Variants in ANKS4B observed in about 807,000 individuals in gnomAD.
ANKS4B encodes the protein ankyrin repeat and sterile alpha motif domain containing 4B.
Under a neutral mutation model 20.2 loss-of-function variants are expected in ANKS4B, and 21 were observed. That is an observed-to-expected ratio of 1.04 (90% confidence interval 0.74 to 1.50). ANKS4B has a LOEUF of 1.50. ANKS4B is among the 40% of genes most tolerant of loss of function. The pLI, the probability that ANKS4B is intolerant of heterozygous loss-of-function variation, is 0.00. For missense variants in ANKS4B, 473 were observed against 494.6 expected (o/e 0.96, Z 0.41); for synonymous variants, 179 against 194.5 (o/e 0.92, Z 0.66).
intron 1 of ANKS4B, among the ~76,000 whole-genome samples, chr16:21,246,693 T>A (rs1293335098): frequency 6.6e-6 from 1 of 152,212 alleles, no homozygotes; most frequent in Non-Finnish European, 1.5e-5. Flanking sequence ...GTATTGGAGA[T>A]GATTTGACTG....
At position 21,252,682 on chromosome 16, in the gene ANKS4B, AT is replaced by A. The variant is rs1191233736; in HGVS notation, c.*1865del. On this transcript the variant is annotated 3_prime_UTR_variant, in exon 2 of 2. Coordinates refer to ENST00000311620, the MANE Select transcript of ANKS4B (RefSeq NM_145865.3). ...CATGCTTATTATGTACACATGGTTT[AT>A]TTACTGTTGTCTGTCACCATTGCCG... The A allele has an allele frequency of 1.3e-5, 2 of 152,194 alleles. No homozygotes were observed. The highest frequency in any genetic ancestry group is 4.8e-5 in the African/African-American group (2 of 41,436). The allele number at this position is 152,194 out of a possible 1,614,324, so 9.4% of individuals were successfully genotyped here.
intron 1 of ANKS4B, among the ~76,000 whole-genome samples, chr16:21,245,293 A>G (rs2093330997): frequency 6.6e-6 from 1 of 152,180 alleles, no homozygotes; most frequent in African/African-American, 2.4e-5. Context: ...ACTTGGCCCC[A>G]TTCAGTCACT....
At chr16:21,249,284 G>C (rs866922651) in intron 1 of ANKS4B, among the ~76,000 whole-genome samples, 3 of 152,148 alleles carry the variant, frequency 2.0e-5, no homozygotes, top group Non-Finnish European at 4.4e-5. Flanking sequence ...AGGAGTTTGC[G>C]ACCAGCCTGG....
intron 1 of ANKS4B, among the ~76,000 whole-genome samples, chr16:21,239,504 C>A (rs1319697429): frequency 6.6e-6 from 1 of 152,126 alleles, no homozygotes; most frequent in African/African-American, 2.4e-5. Context: ...TTGCTTGAAC[C>A]CGCAAGGAGA....
At chr16:21,237,926 C>A (rs368527906) in intron 1 of ANKS4B, among the ~76,000 whole-genome samples, 1 of 152,162 alleles carries the variant, frequency 6.6e-6, no homozygotes, top group East Asian at 1.9e-4. Flanking sequence ...CTTTGGGAAG[C>A]CAAGGCGGGC....
At position 21,253,436 on chromosome 16, in the gene ANKS4B, C is replaced by T. The variant is rs1201066592; in HGVS notation, c.*2616C>T. 6.6e-6 allele frequency: 1 copy of T among 152,148 alleles called. No individual in the cohort carries two copies. The highest frequency in any genetic ancestry group is 1.5e-5 in the Non-Finnish European group (1 of 68,032). 9.4% of individuals were successfully genotyped at this position (152,148 alleles called of 1,614,324 possible). On this transcript the variant is annotated 3_prime_UTR_variant, in exon 2 of 2. Coordinates refer to ENST00000311620, the MANE Select transcript of ANKS4B (RefSeq NM_145865.3). Reference sequence around the variant, plus strand: ...TGGAATAAACTGAAGTTGTGCTTTCCTTCATTAACGTGCACAGAAGCAGTT... The same window carrying T: ...TGGAATAAACTGAAGTTGTGCTTTCTTTCATTAACGTGCACAGAAGCAGTT...
At chr16:21,242,355 T>C (rs1000928439) in intron 1 of ANKS4B, among the ~76,000 whole-genome samples, 9 of 152,290 alleles carry the variant, frequency 5.9e-5, no homozygotes, top group Admixed American at 5.9e-4. Context: ...ACCCAGCTAA[T>C]TTTTGTATTT....
At position 21,250,326 on chromosome 16, in the gene ANKS4B, G is replaced by T. The variant is rs1208689326; in HGVS notation, c.760G>T (p.Ala254Ser). ...GDFKEKLQLS[A>S]EEDGSVHHES... ...CTTCAAAGAGAAGCTCCAGTTGTCAGCAGAGGAGGACGGCAGTGTGCACCA... is the reference window on the plus strand; with the variant it reads ...CTTCAAAGAGAAGCTCCAGTTGTCATCAGAGGAGGACGGCAGTGTGCACCA... Residue 254 changes from alanine (A) to serine (S), a missense_variant, in exon 2 of 2, where the codon GCA (alanine) becomes TCA (serine). Transcript: ENST00000311620. The T allele has an allele frequency of 6.2e-7, 1 of 1,614,212 alleles. No individual in the cohort carries two copies. The highest frequency in any genetic ancestry group is 1.3e-5 in the African/African-American group (1 of 75,056).
intron 1 of ANKS4B, among the ~76,000 whole-genome samples, chr16:21,243,112 C>G (rs932973911): frequency 2.0e-5 from 3 of 152,108 alleles, no homozygotes; most frequent in African/African-American, 7.2e-5. Context: ...TAGTTGAGAA[C>G]TTCACAAAAA....
At chr16:21,248,322 C>CTT (rs59170909) in intron 1 of ANKS4B, among the ~76,000 whole-genome samples, 5 of 131,652 alleles carry the variant, frequency 3.8e-5, no homozygotes, top group Admixed American at 7.7e-5. Flanking sequence ...TGAGCCTAGC[C>CTT]TTTTTTTTTT....
At chr16:21,238,457 T>G (rs908339832) in intron 1 of ANKS4B, among the ~76,000 whole-genome samples, 1 of 136,668 alleles carries the variant, frequency 7.3e-6, no homozygotes, top group African/African-American at 2.8e-5. Flanking sequence ...GACAACAGAT[T>G]TTTAAATATA....
chr16:21,234,533 G>A (rs2093317943), intron 1 of ANKS4B, among the ~76,000 whole-genome samples: 1 of 139,032 alleles, frequency 7.2e-6, no homozygotes, highest in Non-Finnish European at 1.6e-5. Context: ...CCATCTCTTT[G>A]CCCAGATTTT....
At chr16:21,239,729 C>T (rs1250310433) in intron 1 of ANKS4B, among the ~76,000 whole-genome samples, 10 of 152,130 alleles carry the variant, frequency 6.6e-5, no homozygotes, top group African/African-American at 2.4e-4. Context: ...AGTATGCAGT[C>T]GAAAAAGAAT....
At position 21,250,766 on chromosome 16, in the gene ANKS4B, C is replaced by T. The variant is rs1567227952; in HGVS notation, c.1200C>T (p.Asn400=). ...GGAAGAAAGTTCTGAATGCTATCAA[C>T]AGGAGGAAGCAGGTGCTTCAACAGC... ...GPRKKVLNAI[N]RRKQVLQQPG... Residue 400 remains asparagine, a synonymous_variant, in exon 2 of 2, where the codon AAC becomes AAT. Coordinates refer to ENST00000311620, the MANE Select transcript of ANKS4B (RefSeq NM_145865.3). 4 of 1,604,352 alleles carry T rather than the reference C, an allele frequency of 2.5e-6. No homozygotes were observed. The highest frequency in any genetic ancestry group is 1.7e-5 in the Admixed American group (1 of 59,844).
chr16:21,245,212 T>C (rs893354566), intron 1 of ANKS4B, among the ~76,000 whole-genome samples: 1 of 152,224 alleles, frequency 6.6e-6, no homozygotes, highest in African/African-American at 2.4e-5. Context: ...TCCGCTTTGA[T>C]TCAAGGTAGC....
chr16:21,234,601 G>T (rs909691343), intron 1 of ANKS4B, among the ~76,000 whole-genome samples: 1 of 151,934 alleles, frequency 6.6e-6, no homozygotes, highest in Non-Finnish European at 1.5e-5. Context: ...GGGCTAGGTT[G>T]TGTTGGCAAC....
At chr16:21,241,377 CTA>C (rs897722547) in intron 1 of ANKS4B, among the ~76,000 whole-genome samples, 7 of 152,064 alleles carry the variant, frequency 4.6e-5, no homozygotes, top group African/African-American at 1.7e-4. Flanking sequence ...ATGCATGCCA[CTA>C]TCTTTAATGA....
At chr16:21,237,507 T>C (rs2093321628) in intron 1 of ANKS4B, among the ~76,000 whole-genome samples, 1 of 151,856 alleles carries the variant, frequency 6.6e-6, no homozygotes, top group Non-Finnish European at 1.5e-5. Flanking sequence ...TGGTGTCTGA[T>C]GACAGCCCTG....
At position 21,233,790 on chromosome 16, in the gene ANKS4B, A is replaced by G; in HGVS notation, c.53A>G (p.Lys18Arg). ...AGTGATAGTTACCTGGAACTTCTAA[A>G]AGAGGCTACCAAGCGAGATCTAAAT... ...AASDSYLELL[K>R]EATKRDLNLS... Residue 18 changes from lysine (K) to arginine (R), a missense_variant, in exon 1 of 2, where the codon AAA becomes AGA. Transcript: ENST00000311620. The G allele has an allele frequency of 6.2e-7, 1 of 1,614,066 alleles. No homozygotes were observed. The highest frequency in any genetic ancestry group is 1.3e-5 in the African/African-American group (1 of 75,034).
Sources: gnomAD v4.1 joint callset for allele counts (sites outside exome capture counted in the v4.1 genomes callset) on GRCh38, gnomAD v4.1.1 for gene constraint, MANE v1.5 for transcripts, NCBI Gene and HGNC (gene_info 2026-07-23, HGNC 2026-07-21) for gene names.